XYLT1: variants seen among roughly 807,000 people sequenced by gnomAD.
XYLT1 encodes beta-D-xylosyltransferase 1.
A neutral mutation model predicts 91.3 loss-of-function variants in XYLT1; 36 were observed. The ratio of observed to expected loss-of-function variants is 0.39; its 90% CI spans 0.30 to 0.52. XYLT1 has a LOEUF of 0.52. Ranked by LOEUF, XYLT1 falls within the 20% of genes least tolerant of loss-of-function variation. The pLI is 0.68. For missense variants in XYLT1, 1,242 were observed against 1,284.5 expected, an observed-to-expected ratio of 0.97 and a Z score of 0.51; for synonymous variants, 588 against 532.0, an observed-to-expected ratio of 1.11 and a Z score of -1.45.
intron 11 of XYLT1, among the ~76,000 whole-genome samples, chr16:17,114,846 TTTTG>T (rs1362651744): frequency 6.6e-6 from 1 of 152,050 alleles, no homozygotes; most frequent in Non-Finnish European, 1.5e-5. Flanking sequence ...TCTTTTTTGT[TTTTG>T]TTGTTGTTTT....
At chr16:17,225,604 G>GGA (rs1426236463) in intron 3 of XYLT1, among the ~76,000 whole-genome samples, 4 of 149,152 alleles carry the variant, frequency 2.7e-5, no homozygotes, top group Non-Finnish European at 5.9e-5. Flanking sequence ...AGAAGAAGGA[G>GGA]GAAAAAAAAA....
intron 1 of XYLT1, among the ~76,000 whole-genome samples, chr16:17,373,767 G>A (rs1223733070): frequency 6.6e-6 from 1 of 152,204 alleles, no homozygotes; most frequent in African/African-American, 2.4e-5. Context: ...GCTGCACAGT[G>A]TTGGAGCTAG....
chr16:17,113,423 G>A lies in XYLT1; in HGVS notation c.2557+4223C>T, dbSNP rs538077051. Among the ~76,000 whole-genome samples the A allele has an allele frequency of 4.6e-5, 7 of 152,332 alleles. No individual in the cohort carries two copies. In the South Asian group the frequency reaches 8.3e-4, roughly 18 times the overall value. ...CTCCCAAAGTGCTGGGATTTCAGGC[G>A]TGAGCCACTGCACCAGGCCATGATA... On this transcript the variant is annotated intron_variant, in intron 11 of 11. Transcript: ENST00000261381.
At chr16:17,236,871 C>T (rs1463458) in intron 3 of XYLT1, among the ~76,000 whole-genome samples, 11,560 of 152,150 alleles carry the variant, frequency 0.076, 488 homozygotes, top group Non-Finnish European at 0.09. Flanking sequence ...AATGACCTCA[C>T]TTTAACTTGA....
rs2031120817 is a variant in XYLT1, at chr16:17,145,961, G to A, written c.1371-4592C>T. 2.0e-5 allele frequency among the ~76,000 whole-genome samples: 3 copies of A among 152,252 alleles called. No homozygotes were observed. The South Asian group carries it at 6.2e-4, about 32-fold the overall frequency. ...TCTCACTACAACACACTTTGGCTCT[G>A]GACTTTGTGCCTCCCTTCCAGGTCC... On this transcript the variant is annotated intron_variant, in intron 6 of 11. Coordinates refer to ENST00000261381, the MANE Select transcript of XYLT1 (RefSeq NM_022166.4).
chr16:17,155,720 G>T (rs2031389596), intron 6 of XYLT1, among the ~76,000 whole-genome samples: 1 of 152,110 alleles, frequency 6.6e-6, no homozygotes, highest in Non-Finnish European at 1.5e-5. Context: ...TCCCAGCTGG[G>T]GACTCACACG....
In XYLT1 at chr16:17,400,676, GAACT is replaced by G. The variant is rs138130506; in HGVS notation, c.364-42630_364-42627del. On this transcript the variant is annotated intron_variant, in intron 1 of 11. Transcript: ENST00000261381. ...GGAAGGAAGGAAGGAAGGAAGGAAG[GAACT>G]AACTAACTTGCAGTTTAGGAGGAGA... 7.9e-3 allele frequency among the ~76,000 whole-genome samples: 1,094 copies of G among 138,802 alleles called. 25 individuals carry two copies. The highest frequency in any genetic ancestry group is 0.03 in the African/African-American group (1,027 of 34,100). 91.1% of individuals were successfully genotyped at this position (138,802 alleles called of 152,430 possible).
At chr16:17,239,335 A>ATCC in intron 3 of XYLT1, among the ~76,000 whole-genome samples, 1 of 100,098 alleles carries the variant, frequency 1.0e-5, no homozygotes. Context: ...TCCATCCATC[A>ATCC]TCCATCCATC....
intron 1 of XYLT1, among the ~76,000 whole-genome samples, chr16:17,454,913 G>GCCC (rs1181699156): frequency 6.6e-5 from 2 of 30,138 alleles, no homozygotes; most frequent in African/African-American, 3.7e-4. Context: ...TCCCCCCCCC[G>GCCC]CCCCCCCCCG....
At chr16:17,148,467 T>G (rs1339473446) in intron 6 of XYLT1, among the ~76,000 whole-genome samples, 1 of 152,236 alleles carries the variant, frequency 6.6e-6, no homozygotes, top group Non-Finnish European at 1.5e-5. Context: ...GTATCCCTAC[T>G]GCTTACATCA....
intron 2 of XYLT1, among the ~76,000 whole-genome samples, chr16:17,305,569 C>T (rs1232261035): frequency 6.6e-6 from 1 of 151,954 alleles, no homozygotes. Flanking sequence ...GCATGCACCA[C>T]CACGCCCAGC....
chr16:17,110,199 T>C (rs1388422541), intron 11 of XYLT1, among the ~76,000 whole-genome samples: 5 of 152,182 alleles, frequency 3.3e-5, no homozygotes, highest in Non-Finnish European at 5.9e-5. Flanking sequence ...TTGTGAGGCT[T>C]AAGTGTGCTG....
In XYLT1 at chr16:17,259,302, T is replaced by A. The variant is rs141538537; in HGVS notation, c.599A>T (p.Gln200Leu). 2.1e-5 allele frequency: 34 copies of A among 1,614,148 alleles called. No individual in the cohort carries two copies. The African/African-American group carries it at 4.3e-4, about 20-fold the overall frequency. ...KELLKRKLEQQEKGKGHTFPG... is the reference protein window; with the variant it reads ...KELLKRKLEQLEKGKGHTFPG... ...GAATGTATGTCCTTTTCCTTTCTCC[T>A]GCTGTTCCAGCTTCCTTTTCAAAAG... The change falls in exon 3 of 12, where the codon CAG becomes CTG. Residue 200 changes from glutamine (Q) to leucine (L), a missense_variant. Physicochemically the swap from Gln to Leu is moderately radical, Grantham distance 113 (BLOSUM62 -2). Coordinates refer to ENST00000261381, the MANE Select transcript of XYLT1 (RefSeq NM_022166.4).
At position 17,369,185 on chromosome 16, in the gene XYLT1, A is replaced by G. The variant is rs565848275; in HGVS notation, c.364-11135T>C. Among the ~76,000 whole-genome samples, 19 of 144,600 alleles carry G rather than the reference A, an allele frequency of 1.3e-4. No homozygotes were observed. In the South Asian group the frequency reaches 3.7e-3, roughly 28 times the overall value. 94.9% of individuals were successfully genotyped at this position (144,600 alleles called of 152,430 possible). On this transcript the variant is annotated intron_variant, in intron 1 of 11. Transcript: ENST00000261381. The stretch of plus-strand genomic sequence containing the variant: ...TTGCTTGTCACGCAAGCTAGAGTGC[A>G]GTGGCGTGATCTCGGCTCACTGCAA...
intron 2 of XYLT1, among the ~76,000 whole-genome samples, chr16:17,260,124 G>T (rs964812226): frequency 2.0e-5 from 3 of 151,420 alleles, no homozygotes; most frequent in Admixed American, 1.3e-4. Flanking sequence ...ACACTCTTGT[G>T]CTTGAGTTTG....
At chr16:17,400,243 T>G (rs1236138602) in intron 1 of XYLT1, among the ~76,000 whole-genome samples, 1 of 152,154 alleles carries the variant, frequency 6.6e-6, no homozygotes, top group Non-Finnish European at 1.5e-5. Context: ...TATGCTAGAT[T>G]CTAGGTACCT....
At chr16:17,137,389 G>C (rs1257577094) in intron 8 of XYLT1, 2 of 152,376 alleles carry the variant, frequency 1.3e-5, no homozygotes, top group African/African-American at 4.8e-5. Flanking sequence ...GCCTGGCATT[G>C]TGTCCCTGCC....
At chr16:17,307,746 T>C (rs1053950035) in intron 2 of XYLT1, among the ~76,000 whole-genome samples, 2 of 152,144 alleles carry the variant, frequency 1.3e-5, no homozygotes, top group African/African-American at 4.8e-5. Context: ...AATGCTTCCA[T>C]ACCCAGGGCC....
chr16:17,273,768 C>T lies in XYLT1; in HGVS notation c.403-14270G>A, dbSNP rs184719999. On this transcript the variant is annotated intron_variant, in intron 2 of 11. Transcript: ENST00000261381. The stretch of plus-strand genomic sequence containing the variant: ...CTGAGGCAGAAGGATCGCTTGAACC[C>T]GGGAGGCAGAGGTTGCAGTGAGCCA... 5.2e-3 allele frequency among the ~76,000 whole-genome samples: 777 copies of T among 148,550 alleles called. 8 individuals carry two copies. The highest frequency in any genetic ancestry group is 0.019 in the African/African-American group (753 of 40,104).
Sources: allele counts gnomAD v4.1 joint callset (sites outside exome capture counted in the v4.1 genomes callset), GRCh38; gene constraint gnomAD v4.1.1; transcripts MANE v1.5; gene names NCBI Gene and HGNC (gene_info 2026-07-23, HGNC 2026-07-21).